The following HEPH variants were observed in gnomAD, a reference collection of about 807,000 sequenced individuals.
HEPH encodes hephaestin.
In HEPH, 69 loss-of-function variants were observed where a neutral mutation model predicts 80.8. The ratio of observed to expected loss-of-function variants is 0.85; its 90% CI spans 0.70 to 1.04. HEPH has a LOEUF of 1.04. Ranked by LOEUF, HEPH falls within the 50% of genes least tolerant of loss-of-function variation. The pLI, the probability that HEPH is intolerant of heterozygous loss-of-function variation, is 0.00. For synonymous variants in HEPH, 431 were observed against 322.8 expected, an observed-to-expected ratio of 1.34 and a Z score of -3.60; for missense variants, 1,115 against 891.3, an observed-to-expected ratio of 1.25 and a Z score of -3.20.
intron 15 of HEPH, among the ~76,000 whole-genome samples, chrX:66,236,016 G>A (rs1481466326): frequency 8.9e-6 from 1 of 112,002 alleles, no homozygotes; most frequent in Non-Finnish European, 1.9e-5. Flanking sequence ...GGCTGACACT[G>A]TGTGGTTTTC....
chrX:66,191,843 G>T (rs1336856087), intron 6 of HEPH, among the ~76,000 whole-genome samples: 1 of 111,478 alleles, frequency 9.0e-6, no homozygotes, highest in Non-Finnish European at 1.9e-5. Flanking sequence ...CCTTACTTCT[G>T]TCTCTGTGAT....
chrX:66,248,389 C>T (rs1329566864), intron 15 of HEPH, among the ~76,000 whole-genome samples: 3 of 111,983 alleles, frequency 2.7e-5, no homozygotes, highest in Non-Finnish European at 5.6e-5. Flanking sequence ...GCCACCTGCC[C>T]ATTCGGCACT....
intron 5 of HEPH, 151 bp downstream of exon 5, chrX:66,188,692 T>C (rs1231732513): frequency 1.1e-5 from 5 of 453,876 alleles, no homozygotes; most frequent in Non-Finnish European, 1.8e-5. Flanking sequence ...CTGTTTTACA[T>C]GTGAGGACAC....
At chrX:66,259,331 A>T (rs754613647) in intron 18 of HEPH, among the ~76,000 whole-genome samples, 68 of 111,873 alleles carry the variant, frequency 6.1e-4, no homozygotes, top group African/African-American at 2.1e-3. Flanking sequence ...GAAAGTCCTT[A>T]ATCTATTATA....
intron 12 of HEPH, 130 bp from the exon 13 acceptor site, chrX:66,203,234 G>C: frequency 2.0e-6 from 1 of 509,430 alleles, no homozygotes; most frequent in Non-Finnish European, 3.3e-6. Context: ...GTGTAGTTAA[G>C]GCAAGAGCCT....
intron 4 of HEPH, among the ~76,000 whole-genome samples, chrX:66,176,117 CT>C (rs1303548555): frequency 8.9e-6 from 1 of 111,735 alleles, no homozygotes; most frequent in Non-Finnish European, 1.9e-5. Flanking sequence ...ATGCTTTCAA[CT>C]TTTCCACATT....
chrX:66,179,935 G>A (rs1213340409), intron 4 of HEPH, among the ~76,000 whole-genome samples: 2 of 111,199 alleles, frequency 1.8e-5, no homozygotes, highest in Admixed American at 9.6e-5. Context: ...TGCACGAAAT[G>A]CCTATTTCCA....
intron 15 of HEPH, among the ~76,000 whole-genome samples, chrX:66,223,078 G>T (rs1457410228): frequency 1.8e-5 from 2 of 110,579 alleles, no homozygotes; most frequent in South Asian, 4.0e-4. Flanking sequence ...AGCAGCACAA[G>T]GTAGGGTCCT....
intron 4 of HEPH, among the ~76,000 whole-genome samples, chrX:66,178,104 C>A (rs1323068047): frequency 9.0e-6 from 1 of 111,364 alleles, no homozygotes; most frequent in Non-Finnish European, 1.9e-5. Flanking sequence ...ATCCCCCCAC[C>A]CCATGACAGG....
At chrX:66,255,838 G>T (rs1198949978) in intron 16 of HEPH, among the ~76,000 whole-genome samples, 1 of 111,624 alleles carries the variant, frequency 9.0e-6, no homozygotes, top group Non-Finnish European at 1.9e-5. Flanking sequence ...AAAAACACTA[G>T]GTTGTAAAAA....
At chrX:66,224,477 T>C (rs1390636954) in intron 15 of HEPH, among the ~76,000 whole-genome samples, 1 of 112,533 alleles carries the variant, frequency 8.9e-6, no homozygotes, top group Non-Finnish European at 1.9e-5. Flanking sequence ...CAGTGGTTAA[T>C]GTTAAATCAT....
At chrX:66,247,687 A>C (rs1569399512) in intron 15 of HEPH, among the ~76,000 whole-genome samples, 1 of 111,794 alleles carries the variant, frequency 8.9e-6, no homozygotes. Flanking sequence ...CAAAAAGTAA[A>C]AAGGAGTTGT....
At chrX:66,235,310 C>T (rs2090318483) in intron 15 of HEPH, among the ~76,000 whole-genome samples, 2 of 111,767 alleles carry the variant, frequency 1.8e-5, no homozygotes, top group Admixed American at 1.9e-4. Flanking sequence ...AGTTTTCTTC[C>T]AGTATTTTTA....
chrX:66,218,967 G>A (rs767391195), intron 15 of HEPH, among the ~76,000 whole-genome samples: 128 of 111,944 alleles, frequency 1.1e-3, no homozygotes, highest in African/African-American at 4.1e-3. Flanking sequence ...TTTCTTTGGA[G>A]GCAGAAGTTG....
intron 19 of HEPH, among the ~76,000 whole-genome samples, chrX:66,261,579 C>A (rs1368168575): frequency 5.6e-5 from 6 of 107,532 alleles, no homozygotes; most frequent in African/African-American, 1.7e-4. Flanking sequence ...AATATATAGC[C>A]ACCATTTGAA....
chrX:66,193,383 G>T (rs2087914590), intron 7 of HEPH, 119 bp from the exon 8 acceptor site: 1 of 410,253 alleles, frequency 2.4e-6, no homozygotes, highest in African/African-American at 2.5e-5. Context: ...AGTTAACTTA[G>T]ATGAGCTCTG....
At chrX:66,215,065 T>C (rs1019470674) in intron 15 of HEPH, among the ~76,000 whole-genome samples, 52 of 111,719 alleles carry the variant, frequency 4.7e-4, no homozygotes, top group African/African-American at 1.7e-3. Context: ...GGAGAGAATT[T>C]ACATCTTTAT....
chrX:66,182,039 G>C (rs1320441891), intron 4 of HEPH, among the ~76,000 whole-genome samples: 1 of 106,442 alleles, frequency 9.4e-6, no homozygotes, highest in African/African-American at 3.4e-5. Context: ...TGAGGGCTCT[G>C]TTCTGTTCCA....
intron 4 of HEPH, among the ~76,000 whole-genome samples, chrX:66,176,569 T>C (rs2086811285): frequency 8.9e-6 from 1 of 111,823 alleles, no homozygotes; most frequent in African/African-American, 3.3e-5. Flanking sequence ...TACATATGTA[T>C]ACATGTGCCA....
Sources: allele counts gnomAD v4.1 joint callset (sites outside exome capture counted in the v4.1 genomes callset), GRCh38; gene constraint gnomAD v4.1.1; transcripts MANE v1.5; gene names NCBI Gene and HGNC (gene_info 2026-07-23, HGNC 2026-07-21).